VRK2: variants seen among roughly 807,000 people sequenced by gnomAD.
VRK2 encodes the protein serine/threonine-protein kinase VRK2.
Under a neutral mutation model 57.6 loss-of-function variants are expected in VRK2, and 60 were observed. The observed-to-expected ratio is 1.04, with a 90% confidence interval of 0.85 to 1.29. The LOEUF (loss-of-function observed/expected upper bound fraction) is 1.29. VRK2 is among the 50% of genes most tolerant of loss of function. The pLI is 0.00. For synonymous variants in VRK2, 231 were observed against 199.2 expected, an observed-to-expected ratio of 1.16 and a Z score of -1.35; for missense variants, 705 against 588.1, an observed-to-expected ratio of 1.20 and a Z score of -2.06.
At chr2:58,140,359 C>A (rs867906606) in intron 11 of VRK2, among the ~76,000 whole-genome samples, 10 of 151,812 alleles carry the variant, frequency 6.6e-5, no homozygotes, top group African/African-American at 2.4e-4. Flanking sequence ...TGCCATCTTC[C>A]CAAAGACCAA....
intron 1 of VRK2, among the ~76,000 whole-genome samples, chr2:57,966,867 A>G (rs1671934324): frequency 6.6e-6 from 1 of 152,206 alleles, no homozygotes; most frequent in Admixed American, 6.5e-5. Context: ...CAAAAGATTC[A>G]TTCACGAACC....
intron 7 of VRK2, among the ~76,000 whole-genome samples, chr2:58,094,552 A>G (rs1441836832): frequency 3.3e-5 from 5 of 152,186 alleles, no homozygotes; most frequent in African/African-American, 1.2e-4. Flanking sequence ...CAGCTTAAGG[A>G]GATTTTGGGC....
intron 1 of VRK2, among the ~76,000 whole-genome samples, chr2:57,993,497 TA>T (rs1195673559): frequency 1.3e-5 from 2 of 150,856 alleles, no homozygotes; most frequent in African/African-American, 4.9e-5. Flanking sequence ...AAAAAAAAAG[TA>T]GCAAAAACTG....
At chr2:57,942,811 A>C (rs896852994) in intron 1 of VRK2, among the ~76,000 whole-genome samples, 3 of 152,182 alleles carry the variant, frequency 2.0e-5, no homozygotes, top group Non-Finnish European at 2.9e-5. Flanking sequence ...ATGATACTTC[A>C]GTTTACAGTC....
chr2:58,142,653 C>G (rs1266484132), intron 11 of VRK2, among the ~76,000 whole-genome samples: 2 of 151,736 alleles, frequency 1.3e-5, no homozygotes, highest in Admixed American at 6.6e-5. Context: ...CCAAAATTCA[C>G]TGAAAGAAAC....
In VRK2 at chr2:58,159,460, C is replaced by T; in HGVS notation, c.1294C>T (p.Pro432Ser). The change falls in exon 13 of 13, where the codon CCT becomes TCT. Residue 432 changes from proline (P) to serine (S), a missense_variant. Transcript: ENST00000340157. Reference sequence around the variant, plus strand: ...ACAATTCCCAAACTCATTTTATGAGCCTCATCAAGATTTTACCAGTCCAGA... The same window carrying T: ...ACAATTCCCAAACTCATTTTATGAGTCTCATCAAGATTTTACCAGTCCAGA... The part of the protein sequence containing the change: ...YTQFPNSFYE[P>S]HQDFTSPDIF... 1 of 1,613,632 alleles carries T rather than the reference C, an allele frequency of 6.2e-7. No homozygotes were observed. The highest frequency in any genetic ancestry group is 1.7e-5 in the Admixed American group (1 of 59,968).
In VRK2 at chr2:58,113,648, G is replaced by T. The variant is rs371314596; in HGVS notation, c.544-9453G>T. 3.2e-4 allele frequency among the ~76,000 whole-genome samples: 49 copies of T among 152,290 alleles called. No individual in the cohort carries two copies. The South Asian group carries it at 9.5e-3, about 30-fold the overall frequency. On this transcript the variant is annotated intron_variant, in intron 7 of 12. Transcript: ENST00000340157. ...CAGGGGCGGGGTCACAAGGTGCTCA[G>T]TGGGGGAGCTTCTGAGCCAGGAGAA...
chr2:58,058,042 A>G (rs549849505), intron 2 of VRK2, among the ~76,000 whole-genome samples: 4 of 152,244 alleles, frequency 2.6e-5, no homozygotes, highest in Non-Finnish European at 5.9e-5. Context: ...GAAATAGAGT[A>G]TTTAAATATG....
intron 1 of VRK2, among the ~76,000 whole-genome samples, chr2:57,926,500 A>G (rs1670539831): frequency 6.7e-6 from 1 of 149,890 alleles, no homozygotes; most frequent in Admixed American, 6.7e-5. Flanking sequence ...ATATATATAT[A>G]TAGTGTGTGT....
At chr2:58,073,619 G>C (rs1332442540) in intron 2 of VRK2, among the ~76,000 whole-genome samples, 3 of 145,150 alleles carry the variant, frequency 2.1e-5, no homozygotes, top group South Asian at 2.2e-4. Context: ...TTCTATAGAG[G>C]GGCAGAACTA....
chr2:58,066,543 T>A (rs541158791), intron 2 of VRK2, among the ~76,000 whole-genome samples: 1 of 152,294 alleles, frequency 6.6e-6, no homozygotes, highest in Non-Finnish European at 1.5e-5. Context: ...TTATTTCCCC[T>A]ACCATCTTTG....
At chr2:57,952,129 T>C (rs574527037) in intron 1 of VRK2, among the ~76,000 whole-genome samples, 2 of 151,336 alleles carry the variant, frequency 1.3e-5, no homozygotes, top group Admixed American at 6.6e-5. Flanking sequence ...GAGAGAGAGA[T>C]AGAGATAGAG....
intron 2 of VRK2, among the ~76,000 whole-genome samples, chr2:58,075,462 A>G (rs920963121): frequency 8.5e-5 from 13 of 152,082 alleles, no homozygotes; most frequent in South Asian, 2.1e-4. Context: ...GAGTCTTTCA[A>G]CTGTTTTCCA....
Position 58,084,883 on chromosome 2 carries a change from A to T in VRK2, c.189A>T (p.Glu63Asp), listed in dbSNP as rs982524033. The change falls in exon 4 of 13, where the codon GAA (glutamate) becomes GAT (aspartate). Residue 63 changes from glutamate to aspartate, a missense_variant and splice_region_variant. Physicochemically the swap from Glu to Asp is conservative, Grantham distance 45. Transcript: ENST00000340157. Reference protein sequence around the residue: ...EKDARHVVKVEYQENGPLFSE... With the variant: ...EKDARHVVKVDYQENGPLFSE... The stretch of plus-strand genomic sequence containing the variant: ...ATTAATTATTCTTTTTTTTATAGGA[A>T]TATCAAGAAAATGGCCCGTTATTTT... 8 of 1,546,222 alleles carry T rather than the reference A, an allele frequency of 5.2e-6. No individual in the cohort carries two copies. In the African/African-American group the frequency reaches 9.7e-5, roughly 19 times the overall value.
intron 1 of VRK2, among the ~76,000 whole-genome samples, chr2:57,964,659 C>T (rs560234788): frequency 6.6e-5 from 10 of 152,018 alleles, no homozygotes; most frequent in Admixed American, 2.0e-4. Flanking sequence ...CCAAGGTGGG[C>T]GGATCACCTG....
At chr2:58,007,512 T>C (rs963506220) in intron 1 of VRK2, among the ~76,000 whole-genome samples, 1 of 152,024 alleles carries the variant, frequency 6.6e-6, no homozygotes, top group Non-Finnish European at 1.5e-5. Flanking sequence ...ACAATCTACT[T>C]CCACATAATA....
intron 1 of VRK2, among the ~76,000 whole-genome samples, chr2:57,944,891 C>G (rs548183881): frequency 2.6e-4 from 39 of 152,068 alleles, no homozygotes; most frequent in African/African-American, 9.4e-4. Context: ...ATCCCTACAG[C>G]GTACCAGGTG....
rs58729342 is a variant in VRK2 at position 58,028,903 on chromosome 2, A to AATATATAT, written c.-333+3166_-333+3173dup. Among the ~76,000 whole-genome samples the AATATATAT allele has an allele frequency of 8.6e-3, 465 of 53,932 alleles. 10 individuals are homozygous for AATATATAT. The highest frequency in any genetic ancestry group is 0.017 in the South Asian group (19 of 1,108). 35.4% of individuals were successfully genotyped at this position (53,932 alleles called of 152,430 possible). A position where few individuals can be genotyped will look rare whatever the true frequency, so the allele number is the denominator to read the frequency against. On this transcript the variant is annotated intron_variant, in intron 2 of 15. Coordinates refer to the VRK2 transcript ENST00000417641. ...AGTATAATAAATAAATAAATAAATA[A>AATATATAT]ATATATATATATATATATATATATA...
At chr2:58,014,997 A>C (rs1673532604) in intron 1 of VRK2, among the ~76,000 whole-genome samples, 1 of 152,186 alleles carries the variant, frequency 6.6e-6, no homozygotes, top group Non-Finnish European at 1.5e-5. Flanking sequence ...TGAGAATTTT[A>C]AGATAATACA....
Sources: gnomAD v4.1 joint callset for allele counts (sites outside exome capture counted in the v4.1 genomes callset) on GRCh38, gnomAD v4.1.1 for gene constraint, MANE v1.5 for transcripts, NCBI Gene and HGNC (gene_info 2026-07-23, HGNC 2026-07-21) for gene names.